The following FAT2 variants were observed in gnomAD, a reference collection of about 807,000 sequenced individuals.
The protein encoded by FAT2 is FAT atypical cadherin 2.
A neutral mutation model predicts 295.3 loss-of-function variants in FAT2; 150 were observed. The observed-to-expected ratio is 0.51, with a 90% CI of 0.44 to 0.58. The LOEUF is 0.58. FAT2 is among the 20% of genes least tolerant of loss of function. The pLI is 0.00. For missense variants in FAT2, 4,868 were observed against 5,442.7 expected, an observed-to-expected ratio of 0.89 and a Z score of 3.32; for synonymous variants, 2,026 against 2,150.3, an observed-to-expected ratio of 0.94 and a Z score of 1.60.
At position 151,546,083 on chromosome 5, in the gene FAT2, C is replaced by T. The variant is rs1476458945; in HGVS notation, c.5044G>A (p.Val1682Ile). 6.2e-7 allele frequency: 1 copy of T among 1,614,012 alleles called. No individual in the cohort carries two copies. The highest frequency in any genetic ancestry group is 8.5e-7 in the Non-Finnish European group (1 of 1,180,032). The change falls in exon 10 of 24, where the codon GTC becomes ATC. Residue 1682 changes from valine to isoleucine, a missense_variant. By Grantham distance (29) the Val-to-Ile change is conservative. This residue lies in a region of FAT2 where 3,297 missense variants were observed against 3,669.4 expected (regional missense o/e 0.90). Coordinates refer to ENST00000261800, the MANE Select transcript of FAT2 (RefSeq NM_001447.3). Reference protein sequence around the residue: ...SIPVGSPILLVSAMSPSEVTY... With the variant: ...SIPVGSPILLISAMSPSEVTY... ...ACTTCAGAGGGGCTCATAGCAGAGA[C>T]AAGGAGGATTGGGGAACCAACAGGG...
rs1561856489 is a variant in FAT2 at position 151,546,343 on chromosome 5, A to G, written c.4790-6T>C. On this transcript the variant is annotated splice_polypyrimidine_tract_variant and splice_region_variant and intron_variant, in intron 9 of 23. Coordinates refer to ENST00000261800, the MANE Select transcript of FAT2 (RefSeq NM_001447.3). The stretch of plus-strand genomic sequence containing the variant: ...GAAGAAACCTTCGCTGTTCCCTGAA[A>G]CAGAAGACAAGACAAACAAGTTTGC... The G allele has an allele frequency of 2.5e-5, 40 of 1,606,148 alleles. No individual in the cohort carries two copies. The highest frequency in any genetic ancestry group is 3.2e-5 in the Non-Finnish European group (38 of 1,175,942).
rs976978561 is a variant in FAT2 at position 151,544,953 on chromosome 5, G to A, written c.6174C>T (p.Val2058=). 1 of 1,614,160 alleles carries A rather than the reference G, an allele frequency of 6.2e-7. No homozygotes were observed. Among genetic ancestry groups the A allele is most frequent in the Non-Finnish European group, 8.5e-7 (1 of 1,180,022 alleles). ...PQRVAQGLVR[V]SIEDVNDNPP... ...GATTGTCATTGACATCCTCAATAGAGACTCTGACCAAACCCTGAGCCACCC... is the reference window on the plus strand; with the variant it reads ...GATTGTCATTGACATCCTCAATAGAAACTCTGACCAAACCCTGAGCCACCC... Residue 2058 remains valine (V), a synonymous_variant, in exon 10 of 24, where the codon GTC becomes GTT. Transcript: ENST00000261800.
chr5:151,581,799 A>G, intron 1 of FAT2, among the ~76,000 whole-genome samples: 1 of 152,158 alleles, frequency 6.6e-6, no homozygotes, highest in Non-Finnish European at 1.5e-5. Context: ...GGTTAGAAAG[A>G]GCAATTGTGA....
chr5:151,556,346 C>T lies in FAT2; in HGVS notation c.3631G>A (p.Glu1211Lys). 2 of 1,613,630 alleles carry T rather than the reference C, an allele frequency of 1.2e-6. No homozygotes were observed. Among genetic ancestry groups the T allele is most frequent in the Non-Finnish European group, 1.7e-6 (2 of 1,179,548 alleles). Residue 1211 changes from glutamate (E) to lysine (K), a missense_variant and splice_region_variant, in exon 4 of 24, where the codon GAG becomes AAG. By Grantham distance (56) the Glu-to-Lys change is moderately conservative. This residue lies in a region of FAT2 where 3,297 missense variants were observed against 3,669.4 expected (regional missense o/e 0.90). Transcript: ENST00000261800. ...ATGGATTCACCACCATTACTTACCT[C>T]CAGGATGTGTTCATCCTTGTTCTCT... ...DRENKDEHILEVTVLDNGEPS... is the reference protein window; with the variant it reads ...DRENKDEHILKVTVLDNGEPS...
At chr5:151,549,782 C>A (rs568257080) in intron 8 of FAT2, among the ~76,000 whole-genome samples, 8 of 152,200 alleles carry the variant, frequency 5.3e-5, no homozygotes, top group East Asian at 1.9e-4. Flanking sequence ...CAAATTACAT[C>A]TCAGAGAATA....
chr5:151,561,599 C>G (rs985896113), intron 3 of FAT2, among the ~76,000 whole-genome samples: 2 of 152,172 alleles, frequency 1.3e-5, no homozygotes, highest in African/African-American at 4.8e-5. Flanking sequence ...CCATGTTGCC[C>G]AAGCAGCTCT....
chr5:151,550,940 C>G (rs1757140690), intron 7 of FAT2, 69 bp from the exon 8 acceptor site: 2 of 1,464,312 alleles, frequency 1.4e-6, no homozygotes, highest in Admixed American at 1.8e-5. Context: ...TCTGTCTGGA[C>G]CTCCCTGTAT....
rs758000074 is a variant in FAT2 at position 151,567,305 on chromosome 5, G to A, written c.1627C>T (p.Arg543Cys). Residue 543 changes from arginine (R) to cysteine (C), a missense_variant, in exon 2 of 24, where the codon CGC (arginine) becomes TGC (cysteine). By Grantham distance (180) the Arg-to-Cys change is radical. Around this residue, in one of 5 missense-constraint regions of FAT2, gnomAD observed 3,297 missense variants for 3,669.4 expected, o/e 0.90. Transcript: ENST00000261800. ...VRASDWGSPFRREKEVSIFLQ... is the reference protein window; with the variant it reads ...VRASDWGSPFCREKEVSIFLQ... ...AAAATGGACACTTCCTTCTCCCGGC[G>A]AAAAGGGGATCCCCAGTCTGATGCT... 2.0e-5 allele frequency: 32 copies of A among 1,613,934 alleles called. No individual in the cohort carries two copies. Among genetic ancestry groups the A allele is most frequent in the South Asian group, 7.7e-5 (7 of 91,042 alleles).
At chr5:151,561,764 G>T (rs1361954567) in intron 3 of FAT2, among the ~76,000 whole-genome samples, 1 of 152,204 alleles carries the variant, frequency 6.6e-6, no homozygotes, top group East Asian at 1.9e-4. Flanking sequence ...AAGTAATGGT[G>T]GTGATGAGAA....
chr5:151,510,065 G>A lies in FAT2; in HGVS notation c.12015C>T (p.Pro4005=), dbSNP rs778563757. ...CLEGGTCILS[P]KGASCNCPHP... ...GAGGGCAGTTACAGGAAGCTCCTTT[G>A]GGGGAGAGGATGCAAGTTCCACCTT... The change falls in exon 22 of 24, where the codon CCC becomes CCT. Residue 4005 remains proline (P), a synonymous_variant. Coordinates refer to ENST00000261800, the MANE Select transcript of FAT2 (RefSeq NM_001447.3). 26 of 1,614,034 alleles carry A rather than the reference G, an allele frequency of 1.6e-5. No individual in the cohort carries two copies. The highest frequency in any genetic ancestry group is 1.1e-4 in the African/African-American group (8 of 74,928).
At position 151,558,470 on chromosome 5, in the gene FAT2, T is replaced by A. The variant is rs555161594; in HGVS notation, c.3575-2068A>T. 3.9e-5 allele frequency among the ~76,000 whole-genome samples: 6 copies of A among 152,012 alleles called. No homozygotes were observed. In the East Asian group the frequency reaches 1.2e-3, roughly 29 times the overall value. On this transcript the variant is annotated intron_variant, in intron 3 of 23. Transcript: ENST00000261800. ...ATCTCTACTAAAAATACAAAAAAAA[T>A]TAGCTGGATGTTGTGGCGTGTGCCT...
At position 151,581,529 on chromosome 5, in the gene FAT2, G is replaced by T. The variant is rs539792457; in HGVS notation, c.-21+9636C>A. Among the ~76,000 whole-genome samples, 18 of 152,338 alleles carry T rather than the reference G, an allele frequency of 1.2e-4. No homozygotes were observed. In the South Asian group the frequency reaches 2.5e-3, roughly 21 times the overall value. On this transcript the variant is annotated intron_variant, in intron 1 of 23. Transcript: ENST00000261800. ...TTGGAACTACGGAGTGCTTGCAGAG[G>T]CGCATGCAGCTGCTCACAGCTGACA...
chr5:151,559,560 G>C (rs533694900), intron 3 of FAT2, among the ~76,000 whole-genome samples: 1 of 151,716 alleles, frequency 6.6e-6, no homozygotes, highest in Non-Finnish European at 1.5e-5. Flanking sequence ...TCTCTTTTCT[G>C]TGTTTCTCCT....
rs2127647926 is a variant in FAT2 at position 151,567,451 on chromosome 5, G to A, written c.1481C>T (p.Thr494Ile). Residue 494 changes from threonine to isoleucine, a missense_variant, in exon 2 of 24, where the codon ACC becomes ATC. This residue lies in a region of FAT2 where 3,297 missense variants were observed against 3,669.4 expected (regional missense o/e 0.90). Transcript: ENST00000261800. Reference protein sequence around the residue: ...DRDHGENGYVTYSIAGPKALP... With the variant: ...DRDHGENGYVIYSIAGPKALP... ...AGCTTTTGGTCCAGCAATGGAATAG[G>A]TGACATATCCATTTTCCCCATGATC... is the stretch of plus-strand genomic sequence containing the variant. The A allele has an allele frequency of 6.2e-7, 1 of 1,614,164 alleles. No individual in the cohort carries two copies. Among genetic ancestry groups the A allele is most frequent in the Non-Finnish European group, 8.5e-7 (1 of 1,180,012 alleles).
rs1008814275 is a variant in FAT2 at position 151,531,366 on chromosome 5, C to T, written c.9811+221G>A. Among the ~76,000 whole-genome samples the T allele has an allele frequency of 3.3e-5, 5 of 152,018 alleles. No individual in the cohort carries two copies. The highest frequency in any genetic ancestry group is 6.5e-5 in the Admixed American group (1 of 15,278). ...CTGGACACAGAGACCTGGCTGCGGA[C>T]GTGGGAGGGTCCCGTTTAAGGGAGG... On this transcript the variant is annotated intron_variant, in intron 14 of 23. Coordinates refer to ENST00000261800, the MANE Select transcript of FAT2 (RefSeq NM_001447.3). The surrounding 1 kb of genome is among the most constrained non-coding windows in gnomAD (Gnocchi z 5.7).
chr5:151,522,731 G>A (rs2127581152), intron 18 of FAT2, among the ~76,000 whole-genome samples: 1 of 152,346 alleles, frequency 6.6e-6, no homozygotes, highest in South Asian at 2.1e-4. Context: ...ATGAGAAGAA[G>A]AGGCGACAGA....
In FAT2 at chr5:151,505,572, A is replaced by G; in HGVS notation, c.13043T>C (p.Met4348Thr). Residue 4348 changes from methionine (M) to threonine (T), a missense_variant, in exon 24 of 24, where the codon ATG becomes ACG. Physicochemically the swap from Met to Thr is moderately conservative, Grantham distance 81. Coordinates refer to ENST00000261800, the MANE Select transcript of FAT2 (RefSeq NM_001447.3). ...ESDYGSCEEV[M>T]F is the part of the protein sequence containing the mutation. The stretch of plus-strand genomic sequence containing the variant: ...TGCTCTGGGAATGGGAAGCTAGAAC[A>G]TGACCTCCTCACAGCTGCCATAATC... 3 of 1,614,044 alleles carry G rather than the reference A, an allele frequency of 1.9e-6. No homozygotes were observed. The highest frequency in any genetic ancestry group is 2.5e-6 in the Non-Finnish European group (3 of 1,179,984).
Position 151,531,671 on chromosome 5 carries a change from G to T in FAT2, c.9727C>A (p.Leu3243Ile), listed in dbSNP as rs1754624410. ...GTCTTCTCTGCGCCCGGGCGAGTGA[G>T]GGTGGCCAGCTGCAGCACCTCCGTG... ...PGTEVLQLAT[L>I]TRPGAEKTGY... Residue 3243 changes from leucine (L) to isoleucine (I), a missense_variant, in exon 14 of 24, where the codon CTC becomes ATC. Physicochemically the swap from Leu to Ile is conservative, Grantham distance 5 (BLOSUM62 2). Transcript: ENST00000261800. This position sits in a 1 kb window ranked among gnomAD's most constrained non-coding sequence, Gnocchi z 5.7. The T allele has an allele frequency of 1.2e-6, 2 of 1,613,810 alleles. No individual in the cohort carries two copies. Among genetic ancestry groups the T allele is most frequent in the Non-Finnish European group, 1.7e-6 (2 of 1,179,928 alleles).
chr5:151,576,594 T>A (rs1159407869), intron 1 of FAT2, among the ~76,000 whole-genome samples: 1 of 152,210 alleles, frequency 6.6e-6, no homozygotes, highest in Non-Finnish European at 1.5e-5. Flanking sequence ...AGAAAAACTT[T>A]TAGGTTGAAG....
Sources: gnomAD v4.1 joint callset for allele counts (sites outside exome capture counted in the v4.1 genomes callset) on GRCh38, gnomAD v4.1.1 for gene constraint, gnomAD v4.1.1 regional missense constraint, Gnocchi (gnomAD v3.1) non-coding constraint, MANE v1.5 for transcripts, NCBI Gene and HGNC (gene_info 2026-07-23, HGNC 2026-07-21) for gene names.